Variants in MAD1L1 observed in about 807,000 individuals in gnomAD.
MAD1L1 encodes the protein mitotic arrest deficient 1 like 1.
A neutral mutation model predicts 96.9 loss-of-function variants in MAD1L1; 95 were observed. That is an observed-to-expected ratio of 0.98 (90% CI 0.83 to 1.16). The LOEUF (loss-of-function observed/expected upper bound fraction) is 1.16, where lower values mean the gene tolerates loss of function less well. Among genes scored for constraint, MAD1L1 ranks in the 50% most tolerant of loss-of-function variants. MAD1L1 has a pLI of 0.00. For synonymous variants in MAD1L1, 473 were observed against 396.6 expected (o/e 1.19, Z -2.29); for missense variants, 1,007 against 954.4 (o/e 1.06, Z -0.73).
rs755074443 is a variant in MAD1L1, at chr7:2,069,357, A to C, written c.1074-19T>G. Reference sequence around the variant, plus strand: ...CCGGGCGCTGCATGGGAGAGACAAGAGGGCAAAGCAATGAAGCCTGGGGTG... The same window carrying C: ...CCGGGCGCTGCATGGGAGAGACAAGCGGGCAAAGCAATGAAGCCTGGGGTG... On this transcript the variant is annotated intron_variant, in intron 11 of 18. Coordinates refer to ENST00000265854, the MANE Select transcript of MAD1L1 (RefSeq NM_001013836.2). The C allele has an allele frequency of 6.4e-7, 1 of 1,565,930 alleles. No homozygotes were observed. The highest frequency in any genetic ancestry group is 2.3e-5 in the East Asian group (1 of 43,792).
intron 12 of MAD1L1, among the ~76,000 whole-genome samples, chr7:2,045,147 G>A (rs1191568000): frequency 1.3e-5 from 2 of 152,122 alleles, no homozygotes; most frequent in South Asian, 2.1e-4. Context: ...GAAAGGCTCC[G>A]GCCTCCCACC....
intron 11 of MAD1L1, among the ~76,000 whole-genome samples, chr7:2,070,209 T>C (rs1785058613): frequency 6.6e-6 from 1 of 152,170 alleles, no homozygotes; most frequent in Non-Finnish European, 1.5e-5. Context: ...ACCGGACAAA[T>C]GACAGCGTCC....
At chr7:1,866,529 T>C (rs1784786682) in intron 18 of MAD1L1, among the ~76,000 whole-genome samples, 1 of 152,036 alleles carries the variant, frequency 6.6e-6, no homozygotes, top group South Asian at 2.1e-4. Flanking sequence ...GGGTGCACTG[T>C]GCTGAGGAGA....
At position 1,935,394 on chromosome 7, in the gene MAD1L1, G is replaced by GC. The variant is rs911160194; in HGVS notation, c.1807+1292dup. Among the ~76,000 whole-genome samples, 8 of 152,208 alleles carry GC rather than the reference G, an allele frequency of 5.3e-5. No individual in the cohort carries two copies. The East Asian group carries it at 9.7e-4, about 18-fold the overall frequency. ...CTCGCCCCTCAATCTGGCAACACAG[G>GC]CCCCCCCTTCTGGCTTTTGTCCTCC... On this transcript the variant is annotated intron_variant, in intron 17 of 18. Transcript: ENST00000265854.
intron 17 of MAD1L1, among the ~76,000 whole-genome samples, chr7:1,932,547 G>A (rs1003391376): frequency 3.3e-5 from 5 of 152,256 alleles, no homozygotes; most frequent in African/African-American, 1.2e-4. Context: ...CTAGAAACTC[G>A]GAGGTGCTGC....
intron 18 of MAD1L1, among the ~76,000 whole-genome samples, chr7:1,836,925 C>A (rs772701296): frequency 6.6e-6 from 1 of 152,012 alleles, no homozygotes; most frequent in Non-Finnish European, 1.5e-5. Context: ...TTCTTAGATA[C>A]GACAGCAAAA....
At chr7:2,163,734 C>T (rs13230911) in intron 10 of MAD1L1, among the ~76,000 whole-genome samples, 32,936 of 152,034 alleles carry the variant, frequency 0.22, 3,764 homozygotes, top group Middle Eastern at 0.35. Context: ...GGAATCGACA[C>T]TCTCCTAGGC....
At chr7:2,049,102 C>T (rs1784057281) in intron 12 of MAD1L1, among the ~76,000 whole-genome samples, 1 of 152,186 alleles carries the variant, frequency 6.6e-6, no homozygotes, top group South Asian at 2.1e-4. Flanking sequence ...CAAAGCATTC[C>T]CTCATGTAAT....
intron 11 of MAD1L1, among the ~76,000 whole-genome samples, chr7:2,120,482 A>G (rs920672556): frequency 6.6e-6 from 1 of 152,196 alleles, no homozygotes; most frequent in African/African-American, 2.4e-5. Context: ...CGGCTTCCAG[A>G]GCCTGGCACA....
chr7:2,123,163 C>G (rs1382283420), intron 11 of MAD1L1, among the ~76,000 whole-genome samples: 1 of 152,014 alleles, frequency 6.6e-6, no homozygotes, highest in Non-Finnish European at 1.5e-5. Flanking sequence ...ATTAGCCAGG[C>G]GTGGTGGTGG....
At chr7:2,134,223 G>A (rs1214527944) in intron 11 of MAD1L1, among the ~76,000 whole-genome samples, 4 of 152,058 alleles carry the variant, frequency 2.6e-5, no homozygotes, top group East Asian at 1.9e-4. Context: ...AACCTGTACC[G>A]GTCTCTGTGT....
rs541255966 is a variant in MAD1L1, at chr7:1,934,536, C to T, written c.1807+2151G>A. 2.4e-4 allele frequency among the ~76,000 whole-genome samples: 36 copies of T among 150,420 alleles called. No homozygotes were observed. In the South Asian group the frequency reaches 6.8e-3, roughly 28 times the overall value. On this transcript the variant is annotated intron_variant, in intron 17 of 18. Transcript: ENST00000265854. ...AAGGAAAGGAACAGACAGGTGAACC[C>T]GAGATGCGCAGAGACCCAGACAACA... is the stretch of plus-strand genomic sequence containing the variant.
intron 18 of MAD1L1, among the ~76,000 whole-genome samples, chr7:1,860,763 G>T (rs1404531995): frequency 6.6e-6 from 1 of 152,074 alleles, no homozygotes; most frequent in Admixed American, 6.5e-5. Flanking sequence ...CACATCTCAG[G>T]ATTCTCTGAA....
chr7:1,867,337 C>T (rs888091427), intron 18 of MAD1L1, among the ~76,000 whole-genome samples: 2 of 136,686 alleles, frequency 1.5e-5, no homozygotes, highest in East Asian at 2.4e-4. Context: ...TGGCTGCCTC[C>T]GCAGGACCCC....
intron 15 of MAD1L1, among the ~76,000 whole-genome samples, chr7:1,965,627 C>T (rs940247009): frequency 6.6e-6 from 1 of 152,262 alleles, no homozygotes; most frequent in Non-Finnish European, 1.5e-5. Context: ...CCCCGGCCCC[C>T]GTGGCCCCTG....
chr7:1,877,666 G>A lies in MAD1L1; in HGVS notation c.1998+20534C>T, dbSNP rs948329534. Among the ~76,000 whole-genome samples the A allele has an allele frequency of 2.0e-4, 31 of 152,140 alleles. 1 individual carries two copies. The highest frequency in any genetic ancestry group is 1.8e-3 in the Admixed American group (28 of 15,290). On this transcript the variant is annotated intron_variant, in intron 18 of 18. Coordinates refer to ENST00000265854, the MANE Select transcript of MAD1L1 (RefSeq NM_001013836.2). ...AATCCATTAAAAATATACAGACACA[G>A]GTAGATTAAAAGATTAGAAATATAG...
chr7:2,151,033 G>A (rs1263296498), intron 10 of MAD1L1, among the ~76,000 whole-genome samples: 3 of 152,238 alleles, frequency 2.0e-5, no homozygotes, highest in African/African-American at 7.2e-5. Flanking sequence ...GGACAGAGAT[G>A]AAAGGTGCAG....
chr7:1,816,244 G>C lies in MAD1L1; in HGVS notation c.1999-16C>G. On this transcript the variant is annotated splice_polypyrimidine_tract_variant and intron_variant, in intron 18 of 18. Coordinates refer to ENST00000265854, the MANE Select transcript of MAD1L1 (RefSeq NM_001013836.2). ...GGCTGGTGGCCTGCGGGGCAGTCAAGAAAGAGACAAGACAGCGGTCAGCCC... is the reference window on the plus strand; with the variant it reads ...GGCTGGTGGCCTGCGGGGCAGTCAACAAAGAGACAAGACAGCGGTCAGCCC... The C allele has an allele frequency of 1.9e-6, 3 of 1,600,738 alleles. No homozygotes were observed. Among genetic ancestry groups the C allele is most frequent in the Non-Finnish European group, 1.7e-6 (2 of 1,176,408 alleles).
chr7:1,868,978 G>C (rs781375232), intron 18 of MAD1L1, among the ~76,000 whole-genome samples: 1 of 152,180 alleles, frequency 6.6e-6, no homozygotes, highest in African/African-American at 2.4e-5. Context: ...CCAAACCCTC[G>C]CGTGTGTAGG....
Sources: allele counts gnomAD v4.1 joint callset (sites outside exome capture counted in the v4.1 genomes callset), GRCh38; gene constraint gnomAD v4.1.1; transcripts MANE v1.5; gene names NCBI Gene and HGNC (gene_info 2026-07-23, HGNC 2026-07-21).